NPEPPS: variants seen among roughly 807,000 people sequenced by gnomAD.
NPEPPS encodes aminopeptidase puromycin sensitive.
In NPEPPS, 14 loss-of-function variants were observed where a neutral mutation model predicts 115.5. That is an observed-to-expected ratio of 0.12 (90% confidence interval 0.08 to 0.19). NPEPPS has a LOEUF of 0.19. NPEPPS is among the 10% of genes least tolerant of loss of function. The pLI, the probability that NPEPPS is intolerant of heterozygous loss-of-function variation, is 1.00. For missense variants in NPEPPS, 523 were observed against 1,110.8 expected (o/e 0.47, Z 7.52); for synonymous variants, 285 against 390.6 (o/e 0.73, Z 3.19).
At chr17:47,548,590 C>CTTTT (rs538733982) in intron 2 of NPEPPS, among the ~76,000 whole-genome samples, 54 of 104,716 alleles carry the variant, frequency 5.2e-4, no homozygotes, top group African/African-American at 1.3e-3. Context: ...CTGAAAAGTT[C>CTTTT]TTTTTTTTTT....
intron 2 of NPEPPS, among the ~76,000 whole-genome samples, chr17:47,549,767 C>G (rs576135750): frequency 4.1e-5 from 4 of 97,856 alleles, no homozygotes; most frequent in African/African-American, 1.7e-4. Flanking sequence ...GGCGACAGAG[C>G]AAGACTCTGT....
intron 2 of NPEPPS, among the ~76,000 whole-genome samples, chr17:47,556,668 T>C (rs34609599): frequency 0.51 from 76,952 of 151,556 alleles, 20,012 homozygotes; most frequent in East Asian, 0.66. Flanking sequence ...CGGGCAGAGG[T>C]GCCCCCCACC....
Position 47,622,425 on chromosome 17 carries a change from C to CA in NPEPPS, c.*505_*506insA, listed in dbSNP as rs879039677. ...GGAGTCAGTGCATAATTCCAAGTGG[C>CA]TTTTTTTTTTTTTGGCACGGGGACT... On this transcript the variant is annotated 3_prime_UTR_variant, in exon 23 of 23. Coordinates refer to ENST00000322157, the MANE Select transcript of NPEPPS (RefSeq NM_006310.4). 49 of 147,758 alleles carry CA rather than the reference C, an allele frequency of 3.3e-4. 1 individual carries two copies. The highest frequency in any genetic ancestry group is 9.8e-4 in the African/African-American group (38 of 38,662). The allele number at this position is 147,758 out of a possible 1,614,324, so 9.2% of individuals were successfully genotyped here. A position where few individuals can be genotyped will look rare whatever the true frequency, so the allele number is the denominator to read the frequency against.
intron 2 of NPEPPS, among the ~76,000 whole-genome samples, chr17:47,553,941 G>C (rs916731886): frequency 1.3e-4 from 19 of 151,532 alleles, no homozygotes; most frequent in African/African-American, 4.6e-4. Flanking sequence ...TAGTAGAGAC[G>C]GGGTTTCATC....
rs908889514 is a variant in NPEPPS at position 47,552,602 on chromosome 17, G to T, written c.340+6609G>T. Among the ~76,000 whole-genome samples, 210 of 152,250 alleles carry T rather than the reference G, an allele frequency of 1.4e-3. 2 individuals carry two copies. The highest frequency in any genetic ancestry group is 1.6e-4 in the Non-Finnish European group (11 of 68,016). ...TGAGTGTAGAATAGTTTTAAATTTTGTCTTAGTTATATTTGGTAAGTTTTA... is the reference window on the plus strand; with the variant it reads ...TGAGTGTAGAATAGTTTTAAATTTTTTCTTAGTTATATTTGGTAAGTTTTA... On this transcript the variant is annotated intron_variant, in intron 2 of 22. Transcript: ENST00000322157.
At chr17:47,583,207 G>A (rs567489579) in intron 5 of NPEPPS, among the ~76,000 whole-genome samples, 2 of 151,818 alleles carry the variant, frequency 1.3e-5, no homozygotes, top group African/African-American at 4.8e-5. Context: ...CAAATTCCTC[G>A]TTAAATACAT....
chr17:47,599,119 A>C (rs1218776982), intron 13 of NPEPPS, among the ~76,000 whole-genome samples: 8 of 152,144 alleles, frequency 5.3e-5, no homozygotes, highest in Non-Finnish European at 8.8e-5. Context: ...ACATTCCCCA[A>C]ATTTAAATAT....
intron 5 of NPEPPS, 82 bp from the exon 6 acceptor site, chr17:47,585,418 A>C: frequency 1.1e-6 from 1 of 908,232 alleles, no homozygotes; most frequent in Non-Finnish European, 1.7e-6. Flanking sequence ...AGATGCAATA[A>C]AGCCTACAGT....
chr17:47,570,095 A>G (rs1245870895), intron 3 of NPEPPS, among the ~76,000 whole-genome samples: 1 of 152,090 alleles, frequency 6.6e-6, no homozygotes, highest in Non-Finnish European at 1.5e-5. Context: ...CTAGAATGTA[A>G]TGTATTGTTT....
rs148390023 is a variant in NPEPPS at position 47,623,082 on chromosome 17, CCCTA to C, written c.*1166_*1169del. On this transcript the variant is annotated 3_prime_UTR_variant, in exon 23 of 23. Coordinates refer to ENST00000322157, the MANE Select transcript of NPEPPS (RefSeq NM_006310.4). ...TCTAAATCTCATTCCCTTCTTCTTT[CCCTA>C]CCTTTTTTTTCTTTTTTTCTTAAAA... The C allele has an allele frequency of 3.5e-4, 95 of 267,662 alleles. No individual in the cohort carries two copies. The highest frequency in any genetic ancestry group is 8.6e-4 in the African/African-American group (37 of 42,946). The allele number at this position is 267,662 out of a possible 1,614,324, so 16.6% of individuals were successfully genotyped here. A position where few individuals can be genotyped will look rare whatever the true frequency, so the allele number is the denominator to read the frequency against.
chr17:47,613,257 C>CTTTTT (rs753383358), intron 18 of NPEPPS, among the ~76,000 whole-genome samples: 26 of 98,222 alleles, frequency 2.6e-4, no homozygotes, highest in Non-Finnish European at 3.7e-4. Flanking sequence ...ATAATATTTA[C>CTTTTT]TTTTTTTTTT....
chr17:47,587,776 G>A (rs1423014007), intron 9 of NPEPPS, among the ~76,000 whole-genome samples: 1 of 152,152 alleles, frequency 6.6e-6, no homozygotes, highest in East Asian at 1.9e-4. Flanking sequence ...GTTTTTAGGA[G>A]TCAGTTTTTT....
chr17:47,612,106 G>A (rs545606075), intron 17 of NPEPPS, among the ~76,000 whole-genome samples: 1 of 152,138 alleles, frequency 6.6e-6, no homozygotes, highest in Non-Finnish European at 1.5e-5. Flanking sequence ...AGTTCCATAT[G>A]TGATCTTTCT....
chr17:47,604,544 G>T (rs572721068), intron 16 of NPEPPS, among the ~76,000 whole-genome samples: 3 of 152,266 alleles, frequency 2.0e-5, no homozygotes, highest in South Asian at 4.1e-4. Flanking sequence ...TTTTCTTTAT[G>T]ACTTCAGCGT....
In NPEPPS at chr17:47,555,225, C is replaced by T. The variant is rs548680676; in HGVS notation, c.340+9232C>T. On this transcript the variant is annotated intron_variant, in intron 2 of 22. Transcript: ENST00000322157. ...ACTTACTAATTGTAAAGATTCTTTA[C>T]GGTATTTTAAATATTAAGAAAATGG... is the stretch of plus-strand genomic sequence containing the variant. Among the ~76,000 whole-genome samples, 109 of 151,966 alleles carry T rather than the reference C, an allele frequency of 7.2e-4. No individual in the cohort carries two copies. In the South Asian group the frequency reaches 0.013, roughly 18 times the overall value.
intron 15 of NPEPPS, 70 bp downstream of exon 15, chr17:47,601,817 T>C: frequency 6.8e-7 from 1 of 1,473,704 alleles, no homozygotes; most frequent in South Asian, 1.2e-5. Flanking sequence ...TAAATTCTGC[T>C]TCAGTTTAGT....
At position 47,565,438 on chromosome 17, in the gene NPEPPS, G is replaced by A. The variant is rs541196919; in HGVS notation, c.341-3979G>A. Reference sequence around the variant, plus strand: ...GCAGAAGTGCTTGAACCCGGGAGGCGGAGGTTGCAGTGAGTTGAGATCATG... The same window carrying A: ...GCAGAAGTGCTTGAACCCGGGAGGCAGAGGTTGCAGTGAGTTGAGATCATG... On this transcript the variant is annotated intron_variant, in intron 2 of 22. Transcript: ENST00000322157. 6.6e-5 allele frequency among the ~76,000 whole-genome samples: 10 copies of A among 150,702 alleles called. No individual in the cohort carries two copies. In the East Asian group the frequency reaches 9.8e-4, roughly 15 times the overall value.
At chr17:47,577,242 G>A (rs1911568855) in intron 3 of NPEPPS, 2 of 475,042 alleles carry the variant, frequency 4.2e-6, no homozygotes, top group Admixed American at 5.5e-5. Flanking sequence ...GATTTACCAT[G>A]AAATATGAAT....
chr17:47,550,232 C>T (rs1389270960), intron 2 of NPEPPS, among the ~76,000 whole-genome samples: 1 of 151,672 alleles, frequency 6.6e-6, no homozygotes, highest in Non-Finnish European at 1.5e-5. Flanking sequence ...CGTGCCTAGC[C>T]AATTGTTACT....
Sources: gnomAD v4.1 joint callset for allele counts (sites outside exome capture counted in the v4.1 genomes callset) on GRCh38, gnomAD v4.1.1 for gene constraint, MANE v1.5 for transcripts, NCBI Gene and HGNC (gene_info 2026-07-23, HGNC 2026-07-21) for gene names.